RANBP2: variants seen among roughly 807,000 people sequenced by gnomAD.
The protein encoded by RANBP2 is E3 SUMO-protein ligase RanBP2.
RANBP2 carries 57 observed loss-of-function variants against 303.6 expected under a neutral mutation model. The ratio of observed to expected loss-of-function variants is 0.19; its 90% CI spans 0.15 to 0.23. RANBP2 has a LOEUF of 0.23. Ranked by LOEUF, RANBP2 falls within the 10% of genes least tolerant of loss-of-function variation. The pLI is 1.00. For synonymous variants in RANBP2, 1,167 were observed against 1,301.5 expected (o/e 0.90, Z 2.23); for missense variants, 3,138 against 3,780.8 (o/e 0.83, Z 4.46).
rs758782338 is a variant in RANBP2, at chr2:108,775,902, T to C, written c.8463T>C (p.Thr2821=). 2 of 1,612,198 alleles carry C rather than the reference T, an allele frequency of 1.2e-6. No individual in the cohort carries two copies. Among genetic ancestry groups the C allele is most frequent in the South Asian group, 2.2e-5 (2 of 91,068 alleles). Residue 2821 remains threonine, a synonymous_variant, in exon 24 of 29, where the codon ACT becomes ACC. Transcript: ENST00000283195. Reference sequence around the variant, plus strand: ...TGGACAAACCTGTAGATTTGTCAACTAGAAAGGAAATTGATACAGATTCTA... The same window carrying C: ...TGGACAAACCTGTAGATTTGTCAACCAGAAAGGAAATTGATACAGATTCTA... ...ETMDKPVDLS[T]RKEIDTDSTS... is the part of the protein sequence containing the mutation.
Position 108,750,442 on chromosome 2 carries a change from C to T in RANBP2, c.1274-822C>T, listed in dbSNP as rs148373868. Among the ~76,000 whole-genome samples the T allele has an allele frequency of 3.2e-3, 487 of 152,314 alleles. 2 individuals are homozygous for T. The highest frequency in any genetic ancestry group is 0.011 in the African/African-American group (445 of 41,558). ...AAGTGTCTTCATTGCAAGTTATTTC[C>T]ATAGAGATACCTAAAAACAGAATTA... On this transcript the variant is annotated intron_variant, in intron 9 of 28. Coordinates refer to ENST00000283195, the MANE Select transcript of RANBP2 (RefSeq NM_006267.5).
chr2:108,754,456 TTG>T (rs1431069055), intron 15 of RANBP2, among the ~76,000 whole-genome samples: 5 of 150,944 alleles, frequency 3.3e-5, no homozygotes, highest in Non-Finnish European at 7.4e-5. Context: ...GTTGATTAAT[TTG>T]TGTTACTACT....
At chr2:108,899,034 C>G in the RANBP2 span, among the ~76,000 whole-genome samples, 1 of 152,254 alleles carries the variant, frequency 6.6e-6, no homozygotes, top group African/African-American at 2.4e-5. Context: ...TAGAACTCTC[C>G]AAATTTGTAA....
chr2:109,257,002 T>G, the RANBP2 span, among the ~76,000 whole-genome samples: 1 of 152,202 alleles, frequency 6.6e-6, no homozygotes, highest in Non-Finnish European at 1.5e-5. Flanking sequence ...AGACAGCCTG[T>G]GACCAGGCAC....
chr2:109,574,310 G>A, the RANBP2 span, among the ~76,000 whole-genome samples: 20,380 of 151,468 alleles, frequency 0.13, 1,856 homozygotes, highest in African/African-American at 0.26. Flanking sequence ...GCTGGGTGTG[G>A]TAGTACATGC....
the RANBP2 span, among the ~76,000 whole-genome samples, chr2:108,977,230 G>T: frequency 2.0e-5 from 3 of 152,258 alleles, no homozygotes; most frequent in South Asian, 2.1e-4. Flanking sequence ...CTTTGCCGCC[G>T]GGAGATCTGG....
the RANBP2 span, among the ~76,000 whole-genome samples, chr2:109,551,937 G>C: frequency 2.0e-5 from 3 of 152,138 alleles, no homozygotes; most frequent in African/African-American, 7.2e-5. Context: ...TAGACCAGGG[G>C]TCCCCAATCC....
chr2:109,133,695 A>G, the RANBP2 span, among the ~76,000 whole-genome samples: 658 of 149,738 alleles, frequency 4.4e-3, 1 homozygote, highest in Admixed American at 9.9e-3. Flanking sequence ...TCTTTCATAC[A>G]TGGTCATCTT....
chr2:109,039,508 G>A, the RANBP2 span, among the ~76,000 whole-genome samples: 12 of 152,210 alleles, frequency 7.9e-5, no homozygotes, highest in African/African-American at 2.4e-4. Context: ...ATGCCACCAC[G>A]CACAGCTAAT....
chr2:109,606,401 AAG>A, the RANBP2 span, among the ~76,000 whole-genome samples: 40 of 152,280 alleles, frequency 2.6e-4, no homozygotes, highest in African/African-American at 9.4e-4. Flanking sequence ...GCGACAAAGC[AAG>A]ACTCTGTCTC....
chr2:108,915,950 C>T, the RANBP2 span, among the ~76,000 whole-genome samples: 1 of 151,960 alleles, frequency 6.6e-6, no homozygotes, highest in Non-Finnish European at 1.5e-5. Context: ...TGGAGAAGTG[C>T]GTGCCCCTAG....
At chr2:109,640,009 C>G in the RANBP2 span, among the ~76,000 whole-genome samples, 8 of 152,030 alleles carry the variant, frequency 5.3e-5, no homozygotes, top group South Asian at 1.7e-3. Flanking sequence ...CTGCGCCCAG[C>G]CATAATACTA....
the RANBP2 span, among the ~76,000 whole-genome samples, chr2:108,979,758 G>A: frequency 1.3e-5 from 2 of 152,140 alleles, no homozygotes; most frequent in Non-Finnish European, 2.9e-5. Flanking sequence ...GAGCCACTGA[G>A]GCGCATGTCA....
At chr2:109,500,476 C>T in the RANBP2 span, among the ~76,000 whole-genome samples, 1 of 152,268 alleles carries the variant, frequency 6.6e-6, no homozygotes, top group African/African-American at 2.4e-5. Context: ...TTCCACACTA[C>T]AGCATATTGG....
the RANBP2 span, among the ~76,000 whole-genome samples, chr2:108,915,164 A>G: frequency 1.3e-5 from 2 of 152,158 alleles, no homozygotes; most frequent in African/African-American, 4.8e-5. Flanking sequence ...TTGGCCTCCC[A>G]AAGTGCTGGG....
chr2:108,805,182 G>T, the RANBP2 span, among the ~76,000 whole-genome samples: 2 of 151,830 alleles, frequency 1.3e-5, no homozygotes, highest in African/African-American at 4.8e-5. Context: ...TTAGCTCTTT[G>T]GTCTCTTCTC....
the RANBP2 span, among the ~76,000 whole-genome samples, chr2:108,927,215 C>T: frequency 1.3e-5 from 2 of 152,324 alleles, no homozygotes; most frequent in South Asian, 4.1e-4. Flanking sequence ...CCCTTGCCTG[C>T]CCAGCAGGTG....
At chr2:109,544,297 G>A in the RANBP2 span, 2 of 1,598,006 alleles carry the variant, frequency 1.3e-6, no homozygotes, top group Non-Finnish European at 1.7e-6. Flanking sequence ...TCTGTGCTCT[G>A]GAACTTCTGT....
chr2:109,015,289 A>G, the RANBP2 span, among the ~76,000 whole-genome samples: 1 of 152,180 alleles, frequency 6.6e-6, no homozygotes, highest in Non-Finnish European at 1.5e-5. Context: ...GACCCAAGAC[A>G]GAGACAGCAA....
Sources: allele counts gnomAD v4.1 joint callset (sites outside exome capture counted in the v4.1 genomes callset), GRCh38; gene constraint gnomAD v4.1.1; transcripts MANE v1.5; gene names NCBI Gene and HGNC (gene_info 2026-07-23, HGNC 2026-07-21).